CES4A: variants seen among roughly 807,000 people sequenced by gnomAD.
The protein encoded by CES4A is carboxylesterase 4A, also known as carboxylesterase 6.
Under a neutral mutation model 65.4 loss-of-function variants are expected in CES4A, and 48 were observed. The ratio of observed to expected loss-of-function variants is 0.73; its 90% CI spans 0.58 to 0.93. CES4A has a LOEUF of 0.93. Among genes scored for constraint, CES4A ranks in the 40% least tolerant of loss-of-function variants. The pLI, the probability that CES4A is intolerant of heterozygous loss-of-function variation, is 0.00. For synonymous variants in CES4A, 247 were observed against 281.8 expected (o/e 0.88, Z 1.24); for missense variants, 685 against 728.5 (o/e 0.94, Z 0.69).
At chr16:66,994,839 CAAAA>C (rs530758138) in intron 1 of CES4A, among the ~76,000 whole-genome samples, 1 of 126,144 alleles carries the variant, frequency 7.9e-6, no homozygotes, top group Non-Finnish European at 1.7e-5. Context: ...AACTCCATCT[CAAAA>C]AAAAAAAAAA....
Position 67,001,179 on chromosome 16 carries a change from G to T in CES4A, c.537-129G>T. ...GATGGGGCGAGCTAACTCCAAGGAA[G>T]GGGGTGTGGTCGCAGGACTGGGTCT... On this transcript the variant is annotated intron_variant, in intron 4 of 13. Coordinates refer to ENST00000648724, the Ensembl canonical transcript of CES4A. The surrounding 1 kb of genome is among the most constrained non-coding windows in gnomAD (Gnocchi z 4.1). The T allele has an allele frequency of 1.5e-6, 2 of 1,370,494 alleles. No individual in the cohort carries two copies. The highest frequency in any genetic ancestry group is 1.9e-6 in the Non-Finnish European group (2 of 1,030,324). 84.9% of individuals were successfully genotyped at this position (1,370,494 alleles called of 1,614,324 possible).
intron 2 of CES4A, among the ~76,000 whole-genome samples, chr16:66,999,765 C>T (rs908383217): frequency 2.0e-5 from 3 of 152,222 alleles, no homozygotes; most frequent in Admixed American, 6.5e-5. Flanking sequence ...CGTGCCACTA[C>T]ACTCCAGCCT....
intron 1 of CES4A, among the ~76,000 whole-genome samples, chr16:66,990,052 T>C (rs968399562): frequency 4.3e-4 from 62 of 143,356 alleles, no homozygotes; most frequent in African/African-American, 1.1e-3. Context: ...CTTTTCTTTT[T>C]TTTTTTTTTT....
chr16:67,001,369 T>G lies in CES4A; in HGVS notation c.598T>G (p.Trp200Gly). The stretch of plus-strand genomic sequence containing the variant: ...GCTGGACCAGATGGCGGCTCTGCGC[T>G]GGGTGCAGGAGAACATCGCAGCCTT... The change falls in exon 5 of 14, where the codon TGG becomes GGG. Residue 200 changes from tryptophan (W) to glycine (G), a missense_variant. Physicochemically the swap from Trp to Gly is radical, Grantham distance 184. Transcript: ENST00000648724. This position sits in a 1 kb window ranked among gnomAD's most constrained non-coding sequence, Gnocchi z 4.1. 8 of 1,613,442 alleles carry G rather than the reference T, an allele frequency of 5.0e-6. No individual in the cohort carries two copies. The highest frequency in any genetic ancestry group is 6.8e-6 in the Non-Finnish European group (8 of 1,179,878).
chr16:66,995,846 T>C lies in CES4A; in HGVS notation c.260+17T>C. ...CCCGCCTGGGTAAGAGTCAGAGGCCTGTCCACTGGGAGGGGGCAATGGGCC... is the reference window on the plus strand; with the variant it reads ...CCCGCCTGGGTAAGAGTCAGAGGCCCGTCCACTGGGAGGGGGCAATGGGCC... On this transcript the variant is annotated intron_variant, in intron 2 of 13. Coordinates refer to ENST00000648724, the Ensembl canonical transcript of CES4A. The C allele has an allele frequency of 1.9e-6, 3 of 1,609,790 alleles. No individual in the cohort carries two copies. The highest frequency in any genetic ancestry group is 2.5e-6 in the Non-Finnish European group (3 of 1,177,514).
intron 1 of CES4A, among the ~76,000 whole-genome samples, chr16:66,992,428 AT>A (rs1006530058): frequency 2.0e-5 from 3 of 152,304 alleles, no homozygotes; most frequent in African/African-American, 7.2e-5. Context: ...TATTGCATCA[AT>A]TCCAAATCCT....
intron 2 of CES4A, among the ~76,000 whole-genome samples, chr16:66,997,833 C>T (rs1964972028): frequency 6.6e-6 from 1 of 151,716 alleles, no homozygotes; most frequent in Non-Finnish European, 1.5e-5. Flanking sequence ...TAGCTGGGCG[C>T]AGTGCCGTGG....
Position 67,000,674 on chromosome 16 carries a change from G to A in CES4A, c.297G>A (p.Met99Ile). The change falls in exon 3 of 14, where the codon ATG becomes ATA. Residue 99 changes from methionine (M) to isoleucine (I), a missense_variant. Met to Ile is a conservative substitution (Grantham distance 10, BLOSUM62 1). Coordinates refer to ENST00000648724, the Ensembl canonical transcript of CES4A. The surrounding 1 kb of genome is among the most constrained non-coding windows in gnomAD (Gnocchi z 4.2). ...AGTCCTGGGGCCAGCTGGCCTCGAT[G>A]TACGTCAGCACGCGGGAACGGTACA... is the stretch of plus-strand genomic sequence containing the variant. 1 of 1,550,444 alleles carries A rather than the reference G, an allele frequency of 6.4e-7. No individual in the cohort carries two copies. The highest frequency in any genetic ancestry group is 8.7e-7 in the Non-Finnish European group (1 of 1,147,298).
intron 2 of CES4A, among the ~76,000 whole-genome samples, chr16:66,998,097 C>A (rs1393262195): frequency 2.0e-5 from 3 of 151,626 alleles, no homozygotes; most frequent in Non-Finnish European, 4.4e-5. Flanking sequence ...GCAAACTGAT[C>A]ATCAGCACAT....
At chr16:66,997,948 A>AACACACACAC (rs57562021) in intron 2 of CES4A, among the ~76,000 whole-genome samples, 2 of 127,298 alleles carry the variant, frequency 1.6e-5, no homozygotes, top group African/African-American at 6.1e-5. Context: ...CCCTATCTAA[A>AACACACACAC]ACACACACAC....
At chr16:66,995,814 C>T in exon 2 of CES4A, 2 of 1,613,720 alleles carry the variant, frequency 1.2e-6, no homozygotes, top group Non-Finnish European at 1.7e-6. Flanking sequence ...AGAGATGCTA[C>T]CACCTACCCG....
In CES4A at chr16:67,000,901, T is replaced by G. The variant is rs1408477292; in HGVS notation, c.447T>G (p.Ala149=). 3 of 1,611,896 alleles carry G rather than the reference T, an allele frequency of 1.9e-6. No homozygotes were observed. Among genetic ancestry groups the G allele is most frequent in the South Asian group, 1.1e-5 (1 of 90,494 alleles). The change falls in exon 4 of 14, where the codon GCT becomes GCG. Residue 149 remains alanine, a synonymous_variant. Coordinates refer to ENST00000648724, the Ensembl canonical transcript of CES4A. The surrounding 1 kb of genome is among the most constrained non-coding windows in gnomAD (Gnocchi z 4.2). ...GAGGCGCCTTCATCGTGGGCGCTGC[T>G]TCTTCGTACGAGGGCTCTGACTTGG...
At chr16:66,989,316 A>T (rs888576022) in intron 1 of CES4A, among the ~76,000 whole-genome samples, 5 of 151,946 alleles carry the variant, frequency 3.3e-5, no homozygotes, top group African/African-American at 9.7e-5. Context: ...AGCAAGGTGC[A>T]CACATCTTCA....
chr16:66,990,423 G>A (rs767628073), intron 1 of CES4A, among the ~76,000 whole-genome samples: 2 of 152,142 alleles, frequency 1.3e-5, no homozygotes, highest in South Asian at 2.1e-4. Context: ...TAAGCCAAAT[G>A]GGGTGGCTCA....
In CES4A at chr16:67,003,258, G is replaced by T; in HGVS notation, c.798G>T (p.Lys266Asn). ...AGCATCCTTTCTTCTCTCTATAGAA[G>T]GTTGCCCACCTGGCTGGATGCAACC... Residue 266 changes from lysine (K) to asparagine (N), a missense_variant and splice_region_variant, in exon 7 of 14, where the codon AAG (lysine) becomes AAT (asparagine). Coordinates refer to ENST00000648724, the Ensembl canonical transcript of CES4A. This position sits in a 1 kb window ranked among gnomAD's most constrained non-coding sequence, Gnocchi z 4.2. 1 of 1,614,148 alleles carries T rather than the reference G, an allele frequency of 6.2e-7. No individual in the cohort carries two copies. Among genetic ancestry groups the T allele is most frequent in the Non-Finnish European group, 8.5e-7 (1 of 1,180,000 alleles).
chr16:66,995,578 T>C (rs1488043707), intron 1 of CES4A, 50 bp from the exon 2 acceptor site: 12 of 1,532,682 alleles, frequency 7.8e-6, no homozygotes, highest in Non-Finnish European at 9.9e-6. Context: ...AGGGTCCCAT[T>C]TGTGGCTGGG....
intron 2 of CES4A, chr16:66,996,124 G>A (rs189851381): frequency 2.5e-4 from 127 of 507,808 alleles, no homozygotes; most frequent in Admixed American, 4.1e-4. Context: ...TGCAACCTCC[G>A]CCTCCCGGGT....
intron 5 of CES4A, among the ~76,000 whole-genome samples, chr16:67,002,539 G>T (rs994370005): frequency 1.3e-5 from 2 of 152,128 alleles, no homozygotes; most frequent in East Asian, 1.9e-4. Context: ...GGCAGCTGGG[G>T]TGTGGTCATT....
chr16:67,006,160 A>G lies in CES4A; in HGVS notation c.1316-231A>G, dbSNP rs370554815. On this transcript the variant is annotated intron_variant, in intron 11 of 13. Transcript: ENST00000648724. The stretch of plus-strand genomic sequence containing the variant: ...GCCACAATCCTGTGAATTAGGTTTT[A>G]GTATTCTCAGTCTGAAGATAAGGAA... The G allele has an allele frequency of 7.6e-4, 398 of 522,774 alleles. 3 individuals carry two copies. Among genetic ancestry groups the G allele is most frequent in the South Asian group, 5.4e-3 (216 of 40,262 alleles). The allele number at this position is 522,774 out of a possible 1,614,324, so 32.4% of individuals were successfully genotyped here. A position where few individuals can be genotyped will look rare whatever the true frequency, so the allele number is the denominator to read the frequency against.
Sources: allele counts gnomAD v4.1 joint callset (sites outside exome capture counted in the v4.1 genomes callset), GRCh38; gene constraint gnomAD v4.1.1; non-coding constraint Gnocchi (gnomAD v3.1); transcripts MANE v1.5; gene names NCBI Gene and HGNC (gene_info 2026-07-23, HGNC 2026-07-21).